The following CASQ2 variants were observed in gnomAD, a reference collection of about 807,000 sequenced individuals.
The protein encoded by CASQ2 is calsequestrin-2.
Under a neutral mutation model 46.5 loss-of-function variants are expected in CASQ2, and 49 were observed. That is an observed-to-expected ratio of 1.05 (90% CI 0.84 to 1.34). The LOEUF is 1.34. CASQ2 is among the 40% of genes most tolerant of loss of function. CASQ2 has a pLI of 0.00. For missense variants in CASQ2, 486 were observed against 481.3 expected (o/e 1.01, Z -0.09); for synonymous variants, 174 against 168.5 (o/e 1.03, Z -0.25).
chr1:115,725,544 T>C lies in CASQ2; in HGVS notation c.747A>G (p.Leu249=). Residue 249 remains leucine, a synonymous_variant, in exon 7 of 11, where the codon CTA becomes CTG. Transcript: ENST00000261448. Reference sequence around the variant, plus strand: ...ACATTTCTTCTGGGCGCAGGCGACGTAGAGTGGGTCTGGAAAAAAAAAAAA... The same window carrying C: ...ACATTTCTTCTGGGCGCAGGCGACGCAGAGTGGGTCTGGAAAAAAAAAAAA... ...EFVKEHQRPT[L]RRLRPEEMFE... is the part of the protein sequence containing the mutation. 1 of 1,565,066 alleles carries C rather than the reference T, an allele frequency of 6.4e-7. No homozygotes were observed. Among genetic ancestry groups the C allele is most frequent in the South Asian group, 1.1e-5 (1 of 88,860 alleles).
chr1:115,750,332 C>T (rs1264383547), intron 1 of CASQ2, among the ~76,000 whole-genome samples: 1 of 152,172 alleles, frequency 6.6e-6, no homozygotes, highest in East Asian at 1.9e-4. Context: ...GGTCAGTTAC[C>T]TCTCAGATAG....
intron 7 of CASQ2, among the ~76,000 whole-genome samples, chr1:115,725,223 T>C (rs911257344): frequency 1.3e-5 from 2 of 152,006 alleles, no homozygotes; most frequent in African/African-American, 2.4e-5. Context: ...CATGCGACCA[T>C]GCTCGGTTAC....
chr1:115,725,577 A>AAAG, intron 6 of CASQ2, 24 bp from the exon 7 acceptor site: 1 of 1,594,418 alleles, frequency 6.3e-7, no homozygotes, highest in Non-Finnish European at 8.5e-7. Flanking sequence ...AAAAAAAAAA[A>AAAG]AAAGAAAGAG....
chr1:115,766,905 A>AGAT (rs1483524265), intron 1 of CASQ2, among the ~76,000 whole-genome samples: 1 of 138,232 alleles, frequency 7.2e-6, no homozygotes, highest in African/African-American at 2.5e-5. Flanking sequence ...ATAGATAGAT[A>AGAT]GATAGATAGA....
chr1:115,736,177 A>G (rs1043530222), intron 4 of CASQ2, among the ~76,000 whole-genome samples: 1 of 151,964 alleles, frequency 6.6e-6, no homozygotes. Context: ...AAAAAAAAAA[A>G]AAAATAGAAA....
chr1:115,745,135 C>A (rs1397399147), intron 1 of CASQ2, among the ~76,000 whole-genome samples: 1 of 152,148 alleles, frequency 6.6e-6, no homozygotes, highest in African/African-American at 2.4e-5. Context: ...GAGGAGCAGA[C>A]CTAAGACAGA....
rs774871489 is a variant in CASQ2, at chr1:115,717,845, T to C, written c.833A>G (p.Asp278Gly). The C allele has an allele frequency of 6.2e-7, 1 of 1,609,124 alleles. No individual in the cohort carries two copies. The highest frequency in any genetic ancestry group is 8.5e-7 in the Non-Finnish European group (1 of 1,175,488). Residue 278 changes from aspartate (D) to glycine (G), a missense_variant, in exon 8 of 11, where the codon GAT becomes GGT. Coordinates refer to ENST00000261448, the MANE Select transcript of CASQ2 (RefSeq NM_001232.4). ...GCAGGTTGAAGGTTTCCTACCTGGA[T>C]CACTCTTCTCTGCAAAGGCCACAAT... ...IHIVAFAEKS[D>G]PDGYEFLEIL...
At chr1:115,761,353 C>A (rs147516701) in intron 1 of CASQ2, among the ~76,000 whole-genome samples, 4,800 of 125,744 alleles carry the variant, frequency 0.038, 427 homozygotes, top group African/African-American at 0.15. Flanking sequence ...GCTGAGATTG[C>A]CCCACTGCAC....
intron 7 of CASQ2, among the ~76,000 whole-genome samples, chr1:115,724,254 G>A (rs1228166888): frequency 1.3e-5 from 2 of 152,168 alleles, no homozygotes; most frequent in Non-Finnish European, 2.9e-5. Context: ...TAATCTGTAT[G>A]AGCGTCAGTT....
chr1:115,763,732 G>A (rs754987131), intron 1 of CASQ2, among the ~76,000 whole-genome samples: 58 of 152,166 alleles, frequency 3.8e-4, no homozygotes, highest in Non-Finnish European at 5.9e-4. Flanking sequence ...CTGGAAGCCC[G>A]TGTTAGAGCA....
At chr1:115,730,213 C>A (rs1647738070) in intron 5 of CASQ2, among the ~76,000 whole-genome samples, 1 of 152,160 alleles carries the variant, frequency 6.6e-6, no homozygotes, top group Non-Finnish European at 1.5e-5. Flanking sequence ...GCCCAGAGAC[C>A]AATGGTTTTA....
chr1:115,725,109 C>T (rs1016057488), intron 7 of CASQ2, among the ~76,000 whole-genome samples: 1 of 152,128 alleles, frequency 6.6e-6, no homozygotes, highest in Admixed American at 6.5e-5. Flanking sequence ...CTCTGTTGCC[C>T]AGGCTGGAGC....
intron 1 of CASQ2, 127 bp from the exon 2 acceptor site, chr1:115,745,039 T>G: frequency 1.4e-6 from 1 of 726,114 alleles, no homozygotes; most frequent in South Asian, 1.5e-5. Context: ...TGTGACCAAG[T>G]TGAGCAGCAG....
intron 1 of CASQ2, among the ~76,000 whole-genome samples, chr1:115,765,815 G>A (rs771728895): frequency 2.6e-5 from 4 of 152,142 alleles, no homozygotes; most frequent in Non-Finnish European, 5.9e-5. Context: ...GATGGACACT[G>A]GGAACTGCCT....
At chr1:115,747,019 A>G (rs950910754) in intron 1 of CASQ2, among the ~76,000 whole-genome samples, 4 of 152,240 alleles carry the variant, frequency 2.6e-5, no homozygotes, top group Middle Eastern at 3.4e-3. Context: ...CACTTTTTTC[A>G]TTCATGGATT....
At chr1:115,767,818 A>C (rs2101129782) in intron 1 of CASQ2, among the ~76,000 whole-genome samples, 1 of 152,322 alleles carries the variant, frequency 6.6e-6, no homozygotes, top group South Asian at 2.1e-4. Context: ...ACGCAAAACA[A>C]GAGAGAGGAA....
intron 10 of CASQ2, among the ~76,000 whole-genome samples, chr1:115,701,920 T>A (rs764326436): frequency 7.6e-5 from 11 of 145,282 alleles, no homozygotes; most frequent in Non-Finnish European, 1.5e-4. Context: ...CTGGCCCCCA[T>A]TCTTTTTTAT....
At chr1:115,706,930 T>C (rs534899371) in intron 8 of CASQ2, among the ~76,000 whole-genome samples, 1 of 152,334 alleles carries the variant, frequency 6.6e-6, no homozygotes, top group South Asian at 2.1e-4. Context: ...TTTGAGTTTT[T>C]GAGTTGGTGT....
At chr1:115,728,984 C>T (rs892581973) in intron 5 of CASQ2, among the ~76,000 whole-genome samples, 13 of 151,538 alleles carry the variant, frequency 8.6e-5, no homozygotes, top group African/African-American at 3.2e-4. Flanking sequence ...CTACCTACCA[C>T]CATCATGGAG....
Sources: allele counts gnomAD v4.1 joint callset (sites outside exome capture counted in the v4.1 genomes callset), GRCh38; gene constraint gnomAD v4.1.1; transcripts MANE v1.5; gene names NCBI Gene and HGNC (gene_info 2026-07-23, HGNC 2026-07-21).